DLGAP2: variants seen among roughly 807,000 people sequenced by gnomAD.
The protein encoded by DLGAP2 is disks large-associated protein 2.
DLGAP2 carries 26 observed loss-of-function variants against 100.3 expected under a neutral mutation model. The ratio of observed to expected loss-of-function variants is 0.26; its 90% CI spans 0.19 to 0.36. The LOEUF (loss-of-function observed/expected upper bound fraction) is 0.36. Among genes scored for constraint, DLGAP2 ranks in the 10% least tolerant of loss-of-function variants. The pLI is 1.00. For missense variants in DLGAP2, 1,858 were observed against 1,453.2 expected (o/e 1.28, Z -4.53); for synonymous variants, 886 against 630.1 (o/e 1.41, Z -6.08).
chr8:890,077 C>G (rs1471894068), intron 1 of DLGAP2, among the ~76,000 whole-genome samples: 1 of 152,142 alleles, frequency 6.6e-6, no homozygotes, highest in African/African-American at 2.4e-5. Context: ...GTCACGCCAG[C>G]CTTCTAGTGA....
At chr8:1,698,178 A>C (rs1420881039) in intron 14 of DLGAP2, among the ~76,000 whole-genome samples, 1 of 152,180 alleles carries the variant, frequency 6.6e-6, no homozygotes, top group Non-Finnish European at 1.5e-5. Flanking sequence ...GCCAGATGCA[A>C]TGGATCCACA....
intron 6 of DLGAP2, among the ~76,000 whole-genome samples, chr8:1,586,879 T>C (rs1796137757): frequency 6.6e-6 from 1 of 152,248 alleles, no homozygotes; most frequent in Non-Finnish European, 1.5e-5. Context: ...GGGGATTTTC[T>C]GGGCATGTGG....
At chr8:1,362,323 C>T (rs1801999957) in intron 3 of DLGAP2, among the ~76,000 whole-genome samples, 1 of 133,490 alleles carries the variant, frequency 7.5e-6, no homozygotes, top group Non-Finnish European at 1.6e-5. Context: ...GGGTTTGGAC[C>T]CAGGTCCTGC....
chr8:1,503,888 G>A (rs1799810333), intron 4 of DLGAP2, among the ~76,000 whole-genome samples: 1 of 152,172 alleles, frequency 6.6e-6, no homozygotes, highest in African/African-American at 2.4e-5. Context: ...GTACGTGGGT[G>A]GAGGACTCTG....
At position 1,448,747 on chromosome 8, in the gene DLGAP2, A is replaced by G. The variant is rs143009008; in HGVS notation, c.107-52619A>G. On this transcript the variant is annotated intron_variant, in intron 3 of 14. Transcript: ENST00000637795. The stretch of plus-strand genomic sequence containing the variant: ...TGTACTTTTTTCACTTGGAGACCCA[A>G]CATTTTTGTTCTGCATTCCCGTTCC... 1.1e-3 allele frequency among the ~76,000 whole-genome samples: 160 copies of G among 152,328 alleles called. No homozygotes were observed. In the East Asian group the frequency reaches 0.015, roughly 15 times the overall value.
chr8:1,565,807 C>G lies in DLGAP2; in HGVS notation c.1355C>G (p.Ser452Cys), dbSNP rs368098115. 1 of 1,613,628 alleles carries G rather than the reference C, an allele frequency of 6.2e-7. No individual in the cohort carries two copies. Among genetic ancestry groups the G allele is most frequent in the Non-Finnish European group, 8.5e-7 (1 of 1,179,812 alleles). Reference sequence around the variant, plus strand: ...GACGAGGAGAGCGGAGAGTCAGACTCCAGCCCCAAGACATCACCAAAGTCG... The same window carrying G: ...GACGAGGAGAGCGGAGAGTCAGACTGCAGCCCCAAGACATCACCAAAGTCG... ...MGDEESGESD[S>C]SPKTSPKSAI... Residue 452 changes from serine (S) to cysteine (C), a missense_variant, in exon 6 of 15, where the codon TCC becomes TGC. Ser to Cys is a moderately radical substitution (Grantham distance 112). Coordinates refer to ENST00000637795, the MANE Select transcript of DLGAP2 (RefSeq NM_001346810.2).
intron 6 of DLGAP2, among the ~76,000 whole-genome samples, chr8:1,571,717 G>C (rs1584940884): frequency 1.5e-5 from 2 of 136,848 alleles, no homozygotes; most frequent in African/African-American, 5.6e-5. Flanking sequence ...AGGGTGAACT[G>C]TGGGGGCGTC....
chr8:752,543 C>T (rs376389682), intron 1 of DLGAP2, among the ~76,000 whole-genome samples: 16 of 152,272 alleles, frequency 1.1e-4, no homozygotes, highest in South Asian at 2.1e-4. Flanking sequence ...CAGCACCAGC[C>T]GCCTATGCTT....
At position 1,427,961 on chromosome 8, in the gene DLGAP2, T is replaced by C. The variant is rs146339973; in HGVS notation, c.107-73405T>C. 3.2e-3 allele frequency among the ~76,000 whole-genome samples: 487 copies of C among 152,318 alleles called. 4 individuals are homozygous for C. The highest frequency in any genetic ancestry group is 0.011 in the African/African-American group (469 of 41,568). ...TTAATATAAAATGAACTTATATCAG[T>C]ATTTGTAGGAAGACAGCTAAAATGC... On this transcript the variant is annotated intron_variant, in intron 3 of 14. Coordinates refer to ENST00000637795, the MANE Select transcript of DLGAP2 (RefSeq NM_001346810.2).
chr8:1,331,660 C>G (rs758519700), intron 3 of DLGAP2, among the ~76,000 whole-genome samples: 3 of 152,132 alleles, frequency 2.0e-5, no homozygotes, highest in Admixed American at 2.0e-4. Flanking sequence ...CTTGGGTATA[C>G]GACAAACGTG....
At chr8:1,513,110 C>T (rs1800231054) in intron 4 of DLGAP2, among the ~76,000 whole-genome samples, 1 of 151,410 alleles carries the variant, frequency 6.6e-6, no homozygotes, top group Admixed American at 6.6e-5. Context: ...ACGGGAGAGG[C>T]CACAGGCCAG....
intron 2 of DLGAP2, among the ~76,000 whole-genome samples, chr8:950,058 T>C (rs1017424414): frequency 1.3e-5 from 2 of 152,182 alleles, no homozygotes; most frequent in African/African-American, 4.8e-5. Context: ...CCCAGGTCTT[T>C]AGGACGCCTT....
Position 1,141,936 on chromosome 8 carries a change from A to G in DLGAP2, c.74-116915A>G, listed in dbSNP as rs767559019. Among the ~76,000 whole-genome samples, 83 of 152,176 alleles carry G rather than the reference A, an allele frequency of 5.5e-4. 1 individual carries two copies. Among genetic ancestry groups the G allele is most frequent in the Admixed American group, 2.9e-3 (45 of 15,290 alleles). On this transcript the variant is annotated intron_variant, in intron 2 of 14. Transcript: ENST00000637795. The stretch of plus-strand genomic sequence containing the variant: ...ACTCATTATAATTTTTAAGCATGCT[A>G]TAAAGATTGTATATGGAAAAATTTG...
chr8:1,644,582 G>A (rs1797995095), intron 8 of DLGAP2, among the ~76,000 whole-genome samples: 1 of 152,242 alleles, frequency 6.6e-6, no homozygotes. Flanking sequence ...TCTGCACGAA[G>A]CACGGCTTCT....
chr8:1,585,890 G>T (rs1208072470), intron 6 of DLGAP2, among the ~76,000 whole-genome samples: 1 of 152,198 alleles, frequency 6.6e-6, no homozygotes, highest in Admixed American at 6.5e-5. Flanking sequence ...ATCGCCAGGG[G>T]TTTCCACTGC....
chr8:1,402,655 T>G (rs1417719205), intron 3 of DLGAP2, among the ~76,000 whole-genome samples: 1 of 18 alleles, frequency 0.056, no homozygotes, highest in Non-Finnish European at 0.1. Context: ...ATTGAGTGCT[T>G]ACTGAGCGCT....
intron 3 of DLGAP2, among the ~76,000 whole-genome samples, chr8:1,487,065 C>T (rs191018793): frequency 1.3e-5 from 2 of 152,226 alleles, no homozygotes; most frequent in South Asian, 2.1e-4. Context: ...ATCTAGAATC[C>T]GAGGCTTTAA....
intron 2 of DLGAP2, among the ~76,000 whole-genome samples, chr8:1,194,121 A>T (rs1797700020): frequency 6.6e-6 from 1 of 152,076 alleles, no homozygotes; most frequent in Non-Finnish European, 1.5e-5. Context: ...GTGGAAAATT[A>T]GATAAAGTGA....
chr8:1,413,326 G>A (rs1443714086), intron 3 of DLGAP2, among the ~76,000 whole-genome samples: 4 of 152,140 alleles, frequency 2.6e-5, no homozygotes, highest in African/African-American at 9.7e-5. Context: ...ATATTTTCAA[G>A]AACAGAGGAA....
Sources: allele counts gnomAD v4.1 joint callset (sites outside exome capture counted in the v4.1 genomes callset), GRCh38; gene constraint gnomAD v4.1.1; transcripts MANE v1.5; gene names NCBI Gene and HGNC (gene_info 2026-07-23, HGNC 2026-07-21).